DST: variants seen among roughly 807,000 people sequenced by gnomAD.
The protein encoded by DST is bullous pemphigoid antigen.
Under a neutral mutation model 875.2 loss-of-function variants are expected in DST, and 253 were observed. The observed-to-expected ratio is 0.29, with a 90% CI of 0.26 to 0.32. The LOEUF is 0.32. DST is among the 10% of genes least tolerant of loss of function. The pLI is 1.00. For synonymous variants in DST, 3,124 were observed against 3,197.1 expected (o/e 0.98, Z 0.77); for missense variants, 8,287 against 9,111.6 (o/e 0.91, Z 3.68).
At chr6:56,794,352 A>C (rs920039224) in intron 4 of DST, among the ~76,000 whole-genome samples, 1 of 152,192 alleles carries the variant, frequency 6.6e-6, no homozygotes, top group African/African-American at 2.4e-5. Context: ...TCTCCTGAAA[A>C]CACATTACGT....
intron 3 of DST, among the ~76,000 whole-genome samples, chr6:56,872,830 C>CA (rs1250645436): frequency 3.8e-5 from 5 of 130,308 alleles, no homozygotes; most frequent in East Asian, 2.1e-4. Context: ...ATTCCCCCCC[C>CA]CCTTTTTTTT....
chr6:56,924,231 G>A lies in DST; in HGVS notation c.217-23610C>T, dbSNP rs1805808441. Among the ~76,000 whole-genome samples, 7 of 152,226 alleles carry A rather than the reference G, an allele frequency of 4.6e-5. No homozygotes were observed. In the South Asian group the frequency reaches 1.5e-3, roughly 32 times the overall value. ...TAAAATTAACCATCACATAGTGCTTGCCAAAATTCATGGTATAAACACTCC... is the reference window on the plus strand; with the variant it reads ...TAAAATTAACCATCACATAGTGCTTACCAAAATTCATGGTATAAACACTCC... On this transcript the variant is annotated intron_variant, in intron 2 of 103. Coordinates refer to ENST00000680361, the MANE Select transcript of DST (RefSeq NM_001374736.1).
intron 69 of DST, among the ~76,000 whole-genome samples, chr6:56,521,243 A>G (rs1020318735): frequency 2.3e-4 from 35 of 152,222 alleles, no homozygotes; most frequent in African/African-American, 7.9e-4. Flanking sequence ...TTTAAAGAAT[A>G]TAAGACTGAG....
intron 49 of DST, among the ~76,000 whole-genome samples, chr6:56,580,119 G>A (rs2097943137): frequency 6.6e-6 from 1 of 152,086 alleles, no homozygotes; most frequent in South Asian, 2.1e-4. Context: ...ACCAACTACA[G>A]GTAGCTTTTA....
intron 2 of DST, among the ~76,000 whole-genome samples, chr6:56,938,997 T>C (rs1054866745): frequency 6.6e-6 from 1 of 152,228 alleles, no homozygotes; most frequent in Admixed American, 6.5e-5. Context: ...AGTTACTAAG[T>C]TTTAAATGGT....
chr6:56,560,066 T>C (rs2097511323), intron 58 of DST, among the ~76,000 whole-genome samples: 1 of 152,150 alleles, frequency 6.6e-6, no homozygotes, highest in Non-Finnish European at 1.5e-5. Context: ...ATCTACCTTC[T>C]TCATAAAAAT....
intron 2 of DST, among the ~76,000 whole-genome samples, chr6:56,916,524 A>T (rs932031585): frequency 3.3e-5 from 5 of 152,032 alleles, no homozygotes; most frequent in African/African-American, 9.7e-5. Context: ...GGCCAAGGCG[A>T]GCAGATCGCT....
Position 56,634,872 on chromosome 6 carries a change from G to C in DST, c.3268C>G (p.Pro1090Ala). The change falls in exon 25 of 104, where the codon CCA becomes GCA. Residue 1090 changes from proline (P) to alanine (A), a missense_variant. This residue lies in a region of DST where 1,160 missense variants were observed against 1,424.3 expected (regional missense o/e 0.81). Coordinates refer to ENST00000680361, the MANE Select transcript of DST (RefSeq NM_001374736.1). ...TTGAGTGGACAGTCAGAATTCCTTG[G>C]CTTCAGTTGAATTATTGTTTTTGCT... Reference protein sequence around the residue: ...GKAKTIIQLKPRNSDCPLKTS... With the variant: ...GKAKTIIQLKARNSDCPLKTS... The C allele has an allele frequency of 6.2e-7, 1 of 1,613,838 alleles. No individual in the cohort carries two copies.
chr6:56,650,036 G>A (rs777381728), intron 12 of DST, among the ~76,000 whole-genome samples: 1 of 152,122 alleles, frequency 6.6e-6, no homozygotes, highest in South Asian at 2.1e-4. Flanking sequence ...AGGCTACTCA[G>A]GGATCAAAGA....
intron 4 of DST, among the ~76,000 whole-genome samples, chr6:56,824,578 C>T (rs551316723): frequency 3.0e-4 from 45 of 151,718 alleles, no homozygotes; most frequent in South Asian, 2.3e-3. Flanking sequence ...TCTGCCCGGC[C>T]GCCCATCGTC....
At chr6:56,941,505 C>T (rs1407698718) in intron 2 of DST, among the ~76,000 whole-genome samples, 1 of 152,066 alleles carries the variant, frequency 6.6e-6, no homozygotes, top group Non-Finnish European at 1.5e-5. Flanking sequence ...CATTTTAAGA[C>T]AGGGTCTCAC....
At chr6:56,501,421 A>C in intron 79 of DST, 99 bp downstream of exon 79, 2 of 1,162,788 alleles carry the variant, frequency 1.7e-6, no homozygotes, top group Non-Finnish European at 2.3e-6. Context: ...AGAATATATG[A>C]GAAGCAGAAA....
At chr6:56,579,050 C>T in intron 49 of DST, 113 bp from the exon 50 acceptor site, 1 of 914,578 alleles carries the variant, frequency 1.1e-6, no homozygotes, top group Non-Finnish European at 1.6e-6. Context: ...ATAAACTTTT[C>T]ATCATACCAA....
intron 7 of DST, among the ~76,000 whole-genome samples, chr6:56,702,774 A>C (rs879313579): frequency 3.9e-5 from 6 of 152,200 alleles, no homozygotes; most frequent in Non-Finnish European, 7.3e-5. Context: ...AATACAAAAA[A>C]TGGAGCTGAA....
chr6:56,778,434 C>A (rs1477093300), intron 4 of DST, among the ~76,000 whole-genome samples: 2 of 148,026 alleles, frequency 1.4e-5, no homozygotes, highest in Non-Finnish European at 1.5e-5. Flanking sequence ...GCACAACGTG[C>A]AGGTTAGTTA....
intron 37 of DST, among the ~76,000 whole-genome samples, chr6:56,613,460 T>A (rs2098567594): frequency 6.6e-6 from 1 of 152,222 alleles, no homozygotes; most frequent in Non-Finnish European, 1.5e-5. Flanking sequence ...CAACAATGTC[T>A]ATTTTAATAG....
intron 33 of DST, 85 bp from the exon 34 acceptor site, chr6:56,627,372 T>C: frequency 1.1e-6 from 1 of 911,856 alleles, no homozygotes; most frequent in Non-Finnish European, 1.8e-6. Context: ...AAGACATATC[T>C]ACATCACTTC....
intron 3 of DST, among the ~76,000 whole-genome samples, chr6:56,855,192 C>A (rs1250751979): frequency 6.6e-6 from 1 of 152,190 alleles, no homozygotes. Flanking sequence ...TTAAAATCAT[C>A]AATAGGTTCT....
intron 100 of DST, chr6:56,464,198 C>T (rs1224980153): frequency 3.4e-6 from 1 of 291,776 alleles, no homozygotes; most frequent in African/African-American, 2.2e-5. Flanking sequence ...AAGAGAATGC[C>T]AGTATTTCAA....
Sources: allele counts gnomAD v4.1 joint callset (sites outside exome capture counted in the v4.1 genomes callset), GRCh38; gene constraint gnomAD v4.1.1; regional missense constraint gnomAD v4.1.1; transcripts MANE v1.5; gene names NCBI Gene and HGNC (gene_info 2026-07-23, HGNC 2026-07-21).